Variants in TMEM232 observed in about 807,000 individuals in gnomAD.
TMEM232 encodes the protein transmembrane protein 232.
TMEM232 carries 80 observed loss-of-function variants against 78.8 expected under a neutral mutation model. That is an observed-to-expected ratio of 1.01 (90% CI 0.85 to 1.22). TMEM232 has a LOEUF of 1.22. TMEM232 is among the 50% of genes most tolerant of loss of function. The pLI is 0.00. For synonymous variants in TMEM232, 297 were observed against 254.3 expected (o/e 1.17, Z -1.60); for missense variants, 881 against 742.2 (o/e 1.19, Z -2.17).
chr5:110,620,611 CT>C (rs1783535369), intron 7 of TMEM232, among the ~76,000 whole-genome samples: 1 of 140,454 alleles, frequency 7.1e-6, no homozygotes, highest in Non-Finnish European at 1.5e-5. Flanking sequence ...CTCTCTCTCT[CT>C]CTCTCTCTCT....
intron 5 of TMEM232, among the ~76,000 whole-genome samples, chr5:110,630,032 A>G (rs181907010): frequency 1.3e-5 from 2 of 152,312 alleles, no homozygotes; most frequent in East Asian, 3.9e-4. Context: ...CCTTTAATAA[A>G]GCATTCTGTC....
At chr5:110,718,319 T>C (rs1797228547) in intron 1 of TMEM232, among the ~76,000 whole-genome samples, 1 of 152,136 alleles carries the variant, frequency 6.6e-6, no homozygotes, top group Admixed American at 6.6e-5. Context: ...ACCAGGATTA[T>C]TATGAAGTTT....
At chr5:110,669,885 T>C (rs975442170) in intron 1 of TMEM232, among the ~76,000 whole-genome samples, 1 of 152,154 alleles carries the variant, frequency 6.6e-6, no homozygotes, top group Non-Finnish European at 1.5e-5. Flanking sequence ...AAAAACCACA[T>C]GATTATCTCA....
intron 7 of TMEM232, among the ~76,000 whole-genome samples, chr5:110,621,999 G>A (rs1783812718): frequency 6.6e-6 from 1 of 152,096 alleles, no homozygotes; most frequent in Non-Finnish European, 1.5e-5. Context: ...TTTGAAGCAT[G>A]GGCTCTATTT....
intron 1 of TMEM232, among the ~76,000 whole-genome samples, chr5:110,686,994 G>T (rs932263383): frequency 6.6e-6 from 1 of 152,016 alleles, no homozygotes; most frequent in African/African-American, 2.4e-5. Flanking sequence ...CATCTTCAAA[G>T]GAGCACTGTT....
downstream of TMEM232, among the ~76,000 whole-genome samples, chr5:110,417,425 T>C (rs1756264297): frequency 6.6e-6 from 1 of 152,210 alleles, no homozygotes; most frequent in African/African-American, 2.4e-5. Flanking sequence ...ACCCAGTCTA[T>C]GACTCAGAAT....
intron 12 of TMEM232, among the ~76,000 whole-genome samples, chr5:110,511,277 C>T (rs1767702280): frequency 6.6e-6 from 1 of 151,946 alleles, no homozygotes; most frequent in South Asian, 2.1e-4. Context: ...GGGAACACCA[C>T]ACACCAGGGC....
chr5:110,532,215 T>C (rs1201565569), intron 11 of TMEM232, among the ~76,000 whole-genome samples: 1 of 151,952 alleles, frequency 6.6e-6, no homozygotes, highest in African/African-American at 2.4e-5. Context: ...AATCGGACTG[T>C]TCAACTCACC....
intron 4 of TMEM232, among the ~76,000 whole-genome samples, chr5:110,389,810 G>A (rs1755114300): frequency 6.6e-6 from 1 of 152,208 alleles, no homozygotes; most frequent in African/African-American, 2.4e-5. Flanking sequence ...CCCATTGGCT[G>A]TCACTGCTCA....
At chr5:110,529,100 T>A (rs954326076) in intron 11 of TMEM232, among the ~76,000 whole-genome samples, 1 of 152,204 alleles carries the variant, frequency 6.6e-6, no homozygotes, top group Non-Finnish European at 1.5e-5. Flanking sequence ...ATTTTAAATT[T>A]GATATACGTG....
chr5:110,503,314 T>C (rs1325927364), intron 12 of TMEM232, among the ~76,000 whole-genome samples: 1 of 152,206 alleles, frequency 6.6e-6, no homozygotes, highest in African/African-American at 2.4e-5. Context: ...ATAGGTGATA[T>C]AGAGTCAAAG....
chr5:110,540,829 A>G (rs762283740), intron 11 of TMEM232, among the ~76,000 whole-genome samples: 4 of 152,204 alleles, frequency 2.6e-5, no homozygotes, highest in East Asian at 3.8e-4. Flanking sequence ...TCATGCTACA[A>G]TCTGGAAGAA....
At chr5:110,638,852 G>A (rs1052748501) in intron 4 of TMEM232, among the ~76,000 whole-genome samples, 1 of 152,138 alleles carries the variant, frequency 6.6e-6, no homozygotes, top group South Asian at 2.1e-4. Flanking sequence ...TGGAGAAATA[G>A]GACAGAACCA....
At chr5:110,678,968 C>T (rs1470110046) in intron 1 of TMEM232, among the ~76,000 whole-genome samples, 1 of 152,148 alleles carries the variant, frequency 6.6e-6, no homozygotes, top group Non-Finnish European at 1.5e-5. Context: ...AATTATAAAG[C>T]TGCTAAAACA....
At chr5:110,692,003 C>G (rs113729617) in intron 1 of TMEM232, among the ~76,000 whole-genome samples, 5 of 150,498 alleles carry the variant, frequency 3.3e-5, no homozygotes, top group Admixed American at 1.3e-4. Flanking sequence ...TCACTGCAAG[C>G]CCCACCTCCT....
At chr5:110,410,271 C>T (rs1397697177) in intron 2 of TMEM232, among the ~76,000 whole-genome samples, 1 of 152,144 alleles carries the variant, frequency 6.6e-6, no homozygotes, top group Non-Finnish European at 1.5e-5. Context: ...TTTTATTTAA[C>T]AGTTTATTAT....
intron 12 of TMEM232, among the ~76,000 whole-genome samples, chr5:110,463,181 C>T (rs1761719833): frequency 6.6e-6 from 1 of 152,110 alleles, no homozygotes; most frequent in Non-Finnish European, 1.5e-5. Context: ...CCACAGCCAC[C>T]CAAATCTTCA....
chr5:110,581,690 C>G (rs1035470088), intron 10 of TMEM232, among the ~76,000 whole-genome samples: 1 of 151,662 alleles, frequency 6.6e-6, no homozygotes, highest in Non-Finnish European at 1.5e-5. Flanking sequence ...AGAGCTTCTG[C>G]ACAGTCAAAG....
In TMEM232 at chr5:110,612,074, C is replaced by T. The variant is rs371531533; in HGVS notation, c.903-5787G>A. 7.9e-5 allele frequency among the ~76,000 whole-genome samples: 12 copies of T among 152,136 alleles called. No individual in the cohort carries two copies. The East Asian group carries it at 2.1e-3, about 27-fold the overall frequency. On this transcript the variant is annotated intron_variant, in intron 8 of 13. Coordinates refer to ENST00000455884, the MANE Select transcript of TMEM232 (RefSeq NM_001039763.4). ...TATGAACTGGCAGGACATGTAGTATCCAGGGAAGATCTACAGTCTAACAGA... is the reference window on the plus strand; with the variant it reads ...TATGAACTGGCAGGACATGTAGTATTCAGGGAAGATCTACAGTCTAACAGA...
Sources: allele counts gnomAD v4.1 joint callset (sites outside exome capture counted in the v4.1 genomes callset), GRCh38; gene constraint gnomAD v4.1.1; transcripts MANE v1.5; gene names NCBI Gene and HGNC (gene_info 2026-07-23, HGNC 2026-07-21).